The following AFAP1 variants were observed in gnomAD, a reference collection of about 807,000 sequenced individuals.
AFAP1 encodes actin filament-associated protein 1.
AFAP1 carries 75 observed loss-of-function variants against 93.9 expected under a neutral mutation model. That is an observed-to-expected ratio of 0.80 (90% confidence interval 0.66 to 0.97). The LOEUF is 0.97. AFAP1 is among the 50% of genes least tolerant of loss of function. The pLI, the probability that AFAP1 is intolerant of heterozygous loss-of-function variation, is 0.00. For synonymous variants in AFAP1, 517 were observed against 430.7 expected (o/e 1.20, Z -2.48); for missense variants, 1,201 against 1,050.8 (o/e 1.14, Z -1.98).
chr4:7,766,393 A>G (rs960106767), intron 17 of AFAP1, among the ~76,000 whole-genome samples: 1 of 152,114 alleles, frequency 6.6e-6, no homozygotes, highest in Non-Finnish European at 1.5e-5. Context: ...GGAGGACCCC[A>G]TGTTACCTCC....
At chr4:7,925,887 T>C (rs1323296826) in intron 1 of AFAP1, among the ~76,000 whole-genome samples, 1 of 151,772 alleles carries the variant, frequency 6.6e-6, no homozygotes, top group African/African-American at 2.4e-5. Context: ...TGATGTGAAC[T>C]TGAACAATTT....
At chr4:7,897,199 GA>G (rs1718832524) in intron 1 of AFAP1, among the ~76,000 whole-genome samples, 1 of 152,116 alleles carries the variant, frequency 6.6e-6, no homozygotes, top group Admixed American at 6.5e-5. Context: ...AAGAGGTGAT[GA>G]AAAATAATGA....
intron 6 of AFAP1, among the ~76,000 whole-genome samples, chr4:7,833,858 G>T (rs1001741215): frequency 6.6e-6 from 1 of 152,024 alleles, no homozygotes; most frequent in Non-Finnish European, 1.5e-5. Flanking sequence ...AAAGTGCTGG[G>T]ATTACAGGCA....
chr4:7,927,457 AT>A (rs1720829150), intron 1 of AFAP1, among the ~76,000 whole-genome samples: 2 of 152,232 alleles, frequency 1.3e-5, no homozygotes, highest in Non-Finnish European at 2.9e-5. Context: ...CATATAAGGC[AT>A]TCAGAACAAT....
Position 7,763,854 on chromosome 4 carries a change from C to T in AFAP1, c.2419-63G>A. On this transcript the variant is annotated intron_variant, in intron 17 of 17. Transcript: ENST00000420658. ...GAGGATCAGGCTGGGACAAGCCACG[C>T]CACCATCCACATTCAACTCAGAGGG... The T allele has an allele frequency of 2.6e-6, 4 of 1,516,474 alleles. No homozygotes were observed. In the South Asian group the frequency reaches 4.8e-5, roughly 18 times the overall value. The allele number at this position is 1,516,474 out of a possible 1,614,324, so 93.9% of individuals were successfully genotyped here.
chr4:7,836,845 C>A (rs1412001623), intron 6 of AFAP1, among the ~76,000 whole-genome samples: 1 of 151,634 alleles, frequency 6.6e-6, no homozygotes, highest in African/African-American at 2.4e-5. Context: ...ACACAAACCA[C>A]TGAATTGGAC....
rs569677271 is a variant in AFAP1 at position 7,838,105 on chromosome 4, GGAA to G, written c.726+416_726+418del. Among the ~76,000 whole-genome samples the G allele has an allele frequency of 6.6e-5, 10 of 152,254 alleles. No homozygotes were observed. In the East Asian group the frequency reaches 1.3e-3, roughly 21 times the overall value. Reference sequence around the variant, plus strand: ...AACATATATTTAAATGTAGTCTCAGGGAAGAAGGAGAAATGGGGAAAAGCTGTA... The same window carrying G: ...AACATATATTTAAATGTAGTCTCAGGGAAGGAGAAATGGGGAAAAGCTGTA... On this transcript the variant is annotated intron_variant, in intron 6 of 17. Transcript: ENST00000420658.
Position 7,778,992 on chromosome 4 carries a change from A to G in AFAP1, c.1783-116T>C, listed in dbSNP as rs942850699. ...CTCTAAGTATTGTAGAAACTGGCATAGATGGAGGAAAAATCGAAAGTGAAA... is the reference window on the plus strand; with the variant it reads ...CTCTAAGTATTGTAGAAACTGGCATGGATGGAGGAAAAATCGAAAGTGAAA... On this transcript the variant is annotated intron_variant, in intron 13 of 17. Coordinates refer to ENST00000420658, the MANE Select transcript of AFAP1 (RefSeq NM_001134647.2). 147 of 772,638 alleles carry G rather than the reference A, an allele frequency of 1.9e-4. No homozygotes were observed. The African/African-American group carries it at 2.3e-3, about 12-fold the overall frequency. The allele number at this position is 772,638 out of a possible 1,614,324, so 47.9% of individuals were successfully genotyped here. A position where few individuals can be genotyped will look rare whatever the true frequency, so the allele number is the denominator to read the frequency against.
intron 8 of AFAP1, among the ~76,000 whole-genome samples, chr4:7,813,150 G>A (rs900544953): frequency 1.3e-5 from 2 of 152,138 alleles, no homozygotes; most frequent in Non-Finnish European, 2.9e-5. Flanking sequence ...AGCTGTATGA[G>A]TTCAGGATTT....
chr4:7,763,817 TGGACAGGGCAAGAGGATCAGGCTG>T (rs1714149073), intron 17 of AFAP1, 26 bp from the exon 18 acceptor site: 2 of 1,551,376 alleles, frequency 1.3e-6, no homozygotes. Context: ...GTCTTGTAAG[TGGACAGGGCAAGAGGATCAGGCTG>T]GGACAAGCCA....
chr4:7,796,862 C>T (rs1247672453), intron 10 of AFAP1, among the ~76,000 whole-genome samples: 1 of 151,240 alleles, frequency 6.6e-6, no homozygotes, highest in Admixed American at 6.6e-5. Context: ...GAGTTTGAGA[C>T]CAGCCTGGCT....
intron 1 of AFAP1, among the ~76,000 whole-genome samples, chr4:7,884,764 G>A (rs1718047910): frequency 1.3e-5 from 2 of 152,184 alleles, no homozygotes; most frequent in South Asian, 2.1e-4. Flanking sequence ...TTTATAACCT[G>A]GGTGTGGAAA....
chr4:7,860,714 G>A (rs1199408969), intron 3 of AFAP1, among the ~76,000 whole-genome samples: 2 of 152,198 alleles, frequency 1.3e-5, no homozygotes, highest in Non-Finnish European at 2.9e-5. Context: ...CGTTGCTCCT[G>A]CAGCCTCAGC....
chr4:7,868,146 G>A (rs1041276714), intron 3 of AFAP1, among the ~76,000 whole-genome samples: 8 of 150,168 alleles, frequency 5.3e-5, no homozygotes, highest in Non-Finnish European at 8.9e-5. Flanking sequence ...ATACATTCCC[G>A]AAATATGTAC....
At chr4:7,829,094 C>T (rs572753203) in intron 6 of AFAP1, among the ~76,000 whole-genome samples, 147 of 152,294 alleles carry the variant, frequency 9.7e-4, no homozygotes, top group African/African-American at 3.3e-3. Flanking sequence ...TGAAGAAGGA[C>T]GTGTTTGCTT....
chr4:7,923,457 G>T (rs1168189704), intron 1 of AFAP1, among the ~76,000 whole-genome samples: 1 of 152,080 alleles, frequency 6.6e-6, no homozygotes, highest in African/African-American at 2.4e-5. Flanking sequence ...CTCACACCAG[G>T]GCAGTAGGAG....
At chr4:7,889,297 C>T (rs1718304494) in intron 1 of AFAP1, among the ~76,000 whole-genome samples, 2 of 151,774 alleles carry the variant, frequency 1.3e-5, no homozygotes, top group Non-Finnish European at 2.9e-5. Flanking sequence ...GCCTGTAATC[C>T]CAGCACTTTG....
rs115709603 is a variant in AFAP1, at chr4:7,876,658, G to A, written c.-2-4578C>T. Among the ~76,000 whole-genome samples the A allele has an allele frequency of 2.6e-3, 400 of 152,258 alleles. 1 individual carries two copies. The highest frequency in any genetic ancestry group is 8.9e-3 in the African/African-American group (371 of 41,550). ...GCCGACCATGCTCCGAGGCTTTCCC[G>A]GGCCTGTTGTTAGCTACTCGGAAAA... On this transcript the variant is annotated intron_variant, in intron 1 of 17. Coordinates refer to ENST00000420658, the MANE Select transcript of AFAP1 (RefSeq NM_001134647.2).
At chr4:7,767,676 CAGGGGCCCTCCTGTG>C (rs1260654502) in intron 17 of AFAP1, among the ~76,000 whole-genome samples, 1 of 152,152 alleles carries the variant, frequency 6.6e-6, no homozygotes, top group Non-Finnish European at 1.5e-5. Flanking sequence ...CCATGTTTCT[CAGGGGCCCTCCTGTG>C]AGCACCCCAG....
Sources: allele counts gnomAD v4.1 joint callset (sites outside exome capture counted in the v4.1 genomes callset), GRCh38; gene constraint gnomAD v4.1.1; transcripts MANE v1.5; gene names NCBI Gene and HGNC (gene_info 2026-07-23, HGNC 2026-07-21).